CYP4X1: variants seen among roughly 807,000 people sequenced by gnomAD.
CYP4X1 encodes the protein cytochrome P450 4X1.
A neutral mutation model predicts 57.9 loss-of-function variants in CYP4X1; 44 were observed. That is an observed-to-expected ratio of 0.76 (90% CI 0.60 to 0.98). The LOEUF (loss-of-function observed/expected upper bound fraction) is 0.98. Among genes scored for constraint, CYP4X1 ranks in the 50% least tolerant of loss-of-function variants. The probability of loss-of-function intolerance (pLI) is 0.00; values close to 1 mark genes in which losing one functional copy is unlikely to be tolerated. For synonymous variants in CYP4X1, 227 were observed against 228.6 expected, an observed-to-expected ratio of 0.99 and a Z score of 0.06; for missense variants, 532 against 623.9, an observed-to-expected ratio of 0.85 and a Z score of 1.57.
At chr1:46,961,906 C>A in the CYP4X1 span, 1 of 632,014 alleles carries the variant, frequency 1.6e-6, no homozygotes, top group Non-Finnish European at 2.3e-6. Context: ...TTTGGGGAGT[C>A]AGAGAAGGGG....
At chr1:47,043,398 T>C (rs969876396) in intron 8 of CYP4X1, among the ~76,000 whole-genome samples, 4 of 152,010 alleles carry the variant, frequency 2.6e-5, no homozygotes, top group Non-Finnish European at 5.9e-5. Context: ...CTCCCACTCT[T>C]TGGGTTGTCT....
At chr1:46,990,030 A>G in the CYP4X1 span, among the ~76,000 whole-genome samples, 1 of 152,268 alleles carries the variant, frequency 6.6e-6, no homozygotes, top group African/African-American at 2.4e-5. Flanking sequence ...AATGGCAACA[A>G]AAGCCAAAAG....
chr1:47,004,780 T>C, the CYP4X1 span, among the ~76,000 whole-genome samples: 2 of 152,314 alleles, frequency 1.3e-5, no homozygotes, highest in Non-Finnish European at 2.9e-5. Context: ...TTTCCAGTTG[T>C]GGTCCCTTAT....
At chr1:47,054,646 G>T (rs1200758070), downstream of CYP4X1, among the ~76,000 whole-genome samples, 3 of 152,108 alleles carry the variant, frequency 2.0e-5, no homozygotes, top group Non-Finnish European at 2.9e-5. Context: ...TCCCTTGTAA[G>T]TTGGATTCCT....
chr1:47,038,910 A>C, intron 7 of CYP4X1, 144 bp downstream of exon 7: 1 of 587,962 alleles, frequency 1.7e-6, no homozygotes, highest in Non-Finnish European at 2.8e-6. Context: ...AGCTTCATGC[A>C]ATTTGAGACA....
the CYP4X1 span, among the ~76,000 whole-genome samples, chr1:46,997,047 TTG>T: frequency 6.6e-6 from 1 of 152,234 alleles, no homozygotes; most frequent in African/African-American, 2.4e-5. Context: ...GCCCAGGCAC[TTG>T]TTTTCTGGGG....
chr1:47,021,142 C>CAAAAAAA (rs546594827), upstream of CYP4X1, among the ~76,000 whole-genome samples: 608 of 47,452 alleles, frequency 0.013, 94 homozygotes, highest in African/African-American at 0.03. Context: ...GCAGGAATGC[C>CAAAAAAA]AAAAAAAAAA....
intron 8 of CYP4X1, among the ~76,000 whole-genome samples, chr1:47,041,919 GTTTAAATC>G (rs1411023102): frequency 5.3e-5 from 8 of 152,104 alleles, no homozygotes; most frequent in Admixed American, 2.0e-4. Context: ...CAGGTCATAT[GTTTAAATC>G]TTTAATCCAT....
chr1:47,035,355 C>T (rs557160657), intron 4 of CYP4X1, among the ~76,000 whole-genome samples: 8 of 152,126 alleles, frequency 5.3e-5, no homozygotes, highest in East Asian at 2.0e-4. Flanking sequence ...TGAATCCAAA[C>T]GTTTTTGAAA....
chr1:47,047,506 G>C (rs1263153669), intron 9 of CYP4X1, among the ~76,000 whole-genome samples: 5 of 152,046 alleles, frequency 3.3e-5, no homozygotes, highest in Non-Finnish European at 7.4e-5. Context: ...AAACCACATG[G>C]ATATTTGCCA....
the CYP4X1 span, among the ~76,000 whole-genome samples, chr1:46,962,550 G>C: frequency 0.66 from 99,978 of 152,052 alleles, 33,353 homozygotes; most frequent in Non-Finnish European, 0.72. Context: ...AGTTAAAAAC[G>C]TTGAAAAAAG....
At chr1:47,000,999 A>C in the CYP4X1 span, 22 of 215,996 alleles carry the variant, frequency 1.0e-4, no homozygotes, top group Non-Finnish European at 1.9e-4. Flanking sequence ...GGATACTGGC[A>C]GGATCAGAAA....
the CYP4X1 span, among the ~76,000 whole-genome samples, chr1:47,013,552 T>G: frequency 6.6e-6 from 1 of 152,202 alleles, no homozygotes; most frequent in African/African-American, 2.4e-5. Flanking sequence ...ACTTATGTGA[T>G]GTTCAAACAA....
chr1:46,999,737 T>G, the CYP4X1 span, among the ~76,000 whole-genome samples: 1 of 140,096 alleles, frequency 7.1e-6, no homozygotes, highest in Non-Finnish European at 1.5e-5. Context: ...ATTTGTGGGC[T>G]GTCTTTTAAC....
chr1:47,023,627 C>A, upstream of CYP4X1: 1 of 1,326,862 alleles, frequency 7.5e-7, no homozygotes. Context: ...AAATCCCGCA[C>A]GCGCGCCTGC....
chr1:47,032,645 G>A (rs1364352335), intron 3 of CYP4X1, among the ~76,000 whole-genome samples: 1 of 152,182 alleles, frequency 6.6e-6, no homozygotes, highest in Non-Finnish European at 1.5e-5. Flanking sequence ...GCCTTGGTAA[G>A]TATTTCCACA....
chr1:47,038,213 T>C (rs1644206624), intron 6 of CYP4X1, among the ~76,000 whole-genome samples: 1 of 152,184 alleles, frequency 6.6e-6, no homozygotes, highest in African/African-American at 2.4e-5. Flanking sequence ...AAATAAAAGT[T>C]GAAATTTTTT....
At chr1:47,038,020 A>G (rs942228851) in intron 6 of CYP4X1, among the ~76,000 whole-genome samples, 1 of 152,182 alleles carries the variant, frequency 6.6e-6, no homozygotes, top group African/African-American at 2.4e-5. Context: ...CGTGTATTCC[A>G]TTGATCTATC....
chr1:46,961,939 G>A, the CYP4X1 span, among the ~76,000 whole-genome samples: 4 of 152,132 alleles, frequency 2.6e-5, no homozygotes, highest in African/African-American at 9.7e-5. Flanking sequence ...CTGGCTGGCT[G>A]GCAGGGGACA....
Sources: gnomAD v4.1 joint callset for allele counts (sites outside exome capture counted in the v4.1 genomes callset) on GRCh38, gnomAD v4.1.1 for gene constraint, MANE v1.5 for transcripts, NCBI Gene and HGNC (gene_info 2026-07-23, HGNC 2026-07-21) for gene names.